ACACA: variants seen among roughly 807,000 people sequenced by gnomAD.
ACACA encodes acetyl-CoA carboxylase alpha.
ACACA carries 103 observed loss-of-function variants against 296.1 expected under a neutral mutation model. The observed-to-expected ratio is 0.35, with a 90% CI of 0.30 to 0.41. The LOEUF (loss-of-function observed/expected upper bound fraction) is 0.41. Among genes scored for constraint, ACACA ranks in the 10% least tolerant of loss-of-function variants. The pLI, the probability that ACACA is intolerant of heterozygous loss-of-function variation, is 1.00. For synonymous variants in ACACA, 953 were observed against 1,038.6 expected (o/e 0.92, Z 1.58); for missense variants, 1,554 against 2,989.7 (o/e 0.52, Z 11.20).
chr17:37,312,674 T>C (rs936771294), intron 3 of ACACA, among the ~76,000 whole-genome samples: 1 of 152,200 alleles, frequency 6.6e-6, no homozygotes, highest in Non-Finnish European at 1.5e-5. Flanking sequence ...AAGGCCATTG[T>C]AATAGACTAG....
chr17:37,210,453 T>C lies in ACACA; in HGVS notation c.3707+14A>G, dbSNP rs377012779. ...AGGTGCTTTTAATTGGAAAAGAAACTAAACATACGGTACCTGTTTAGCGTA... is the reference window on the plus strand; with the variant it reads ...AGGTGCTTTTAATTGGAAAAGAAACCAAACATACGGTACCTGTTTAGCGTA... On this transcript the variant is annotated intron_variant, in intron 30 of 55. Transcript: ENST00000616317. The C allele has an allele frequency of 8.1e-5, 131 of 1,609,780 alleles. No individual in the cohort carries two copies. The highest frequency in any genetic ancestry group is 1.1e-4 in the Non-Finnish European group (126 of 1,176,878).
intron 1 of ACACA, chr17:37,388,007 T>A (rs8075149): frequency 0.24 from 37,004 of 151,728 alleles, 4,675 homozygotes; most frequent in Middle Eastern, 0.37. Context: ...TATAAAAAAA[T>A]TTTAAAAATT....
intron 3 of ACACA, among the ~76,000 whole-genome samples, chr17:37,329,388 C>T (rs1361487352): frequency 6.6e-6 from 1 of 152,074 alleles, no homozygotes; most frequent in Non-Finnish European, 1.5e-5. Context: ...ATCTTTAATC[C>T]CAGCACTTTG....
chr17:37,400,330 G>A (rs1349436849), intron 1 of ACACA, among the ~76,000 whole-genome samples: 2 of 152,094 alleles, frequency 1.3e-5, no homozygotes, highest in Non-Finnish European at 2.9e-5. Context: ...ATGTGGGCCA[G>A]GCTGGTCTCA....
chr17:37,256,445 A>T (rs1276622078), intron 14 of ACACA, among the ~76,000 whole-genome samples: 2 of 152,256 alleles, frequency 1.3e-5, no homozygotes, highest in African/African-American at 2.4e-5. Flanking sequence ...TAAAAATAAT[A>T]TTAAAAACTA....
In ACACA at chr17:37,363,179, C is replaced by CTTTTT. The variant is rs902746004; in HGVS notation, c.39-23334_39-23330dup. On this transcript the variant is annotated intron_variant, in intron 1 of 55. Transcript: ENST00000616317. ...CTTTTTCTTTTCTCTTTCTCTTTTTCTTTTTTTTTTTTTTTTTTTTTTTGA... is the reference window on the plus strand; with the variant it reads ...CTTTTTCTTTTCTCTTTCTCTTTTTCTTTTTTTTTTTTTTTTTTTTTTTTTTTTGA... 4.5e-3 allele frequency among the ~76,000 whole-genome samples: 328 copies of CTTTTT among 72,814 alleles called. 3 individuals carry two copies. Among genetic ancestry groups the CTTTTT allele is most frequent in the African/African-American group, 7.7e-3 (115 of 14,936 alleles). The allele number at this position is 72,814 out of a possible 152,430, so 47.8% of individuals were successfully genotyped here.
intron 41 of ACACA, among the ~76,000 whole-genome samples, chr17:37,174,020 A>ATATATATTTTTTTT (rs552735515): frequency 1.2e-4 from 2 of 16,796 alleles, no homozygotes; most frequent in Non-Finnish European, 2.0e-4. Flanking sequence ...ATATATATAT[A>ATATATATTTTTTTT]TTTTTTTTTT....
intron 42 of ACACA, among the ~76,000 whole-genome samples, chr17:37,157,015 C>T (rs1367162989): frequency 6.6e-6 from 1 of 152,140 alleles, no homozygotes; most frequent in East Asian, 1.9e-4. Context: ...CAAAAATAGA[C>T]AAGAATTCCT....
At chr17:37,331,398 G>A (rs577570581) in intron 2 of ACACA, among the ~76,000 whole-genome samples, 19 of 147,362 alleles carry the variant, frequency 1.3e-4, no homozygotes, top group Admixed American at 8.2e-4. Flanking sequence ...GTGAGCCACC[G>A]CACCCGGCCT....
intron 39 of ACACA, 92 bp from the exon 40 acceptor site, chr17:37,181,448 T>C: frequency 7.1e-7 from 1 of 1,405,802 alleles, no homozygotes; most frequent in East Asian, 2.3e-5. Context: ...ATATTATCTC[T>C]TTGAAAACAT....
intron 1 of ACACA, among the ~76,000 whole-genome samples, chr17:37,354,022 C>T (rs1242484776): frequency 3.9e-5 from 6 of 152,142 alleles, no homozygotes; most frequent in South Asian, 2.1e-4. Flanking sequence ...GTGGGAGGAT[C>T]GCTTGACTCC....
intron 25 of ACACA, among the ~76,000 whole-genome samples, chr17:37,230,343 C>T (rs931721055): frequency 3.3e-5 from 5 of 151,068 alleles, no homozygotes; most frequent in Non-Finnish European, 5.9e-5. Flanking sequence ...AAGATCGCGC[C>T]GTTGCACTCC....
At chr17:37,304,285 C>T (rs2083764605) in intron 3 of ACACA, among the ~76,000 whole-genome samples, 1 of 152,038 alleles carries the variant, frequency 6.6e-6, no homozygotes, top group East Asian at 1.9e-4. Flanking sequence ...TATGCTCAAG[C>T]GATCCTCCTG....
chr17:37,183,854 T>TC (rs2077422783), intron 39 of ACACA, among the ~76,000 whole-genome samples: 1 of 146,452 alleles, frequency 6.8e-6, no homozygotes. Context: ...AGTCCTTTTT[T>TC]TTTTTTTTTT....
At chr17:37,190,280 T>G (rs377508300) in intron 38 of ACACA, among the ~76,000 whole-genome samples, 25 of 152,066 alleles carry the variant, frequency 1.6e-4, no homozygotes, top group African/African-American at 6.0e-4. Flanking sequence ...AATACAAAAA[T>G]TAGCCGGGCG....
chr17:37,110,202 T>C (rs2073907036), intron 52 of ACACA, among the ~76,000 whole-genome samples: 1 of 152,198 alleles, frequency 6.6e-6, no homozygotes, highest in African/African-American at 2.4e-5. Context: ...CGGCAACAAT[T>C]GGGGGATGCT....
intron 8 of ACACA, chr17:37,274,703 A>C (rs2082202417): frequency 1.0e-6 from 1 of 984,682 alleles, no homozygotes; most frequent in African/African-American, 1.7e-5. Flanking sequence ...TGGAAATAGA[A>C]ATGGCGGTTT....
intron 41 of ACACA, among the ~76,000 whole-genome samples, chr17:37,172,369 T>C (rs145120831): frequency 1.3e-5 from 2 of 152,132 alleles, no homozygotes; most frequent in Non-Finnish European, 2.9e-5. Context: ...ATAATAGTCA[T>C]TCAGAAGGAA....
chr17:37,251,994 A>T lies in ACACA; in HGVS notation c.2081+11T>A, dbSNP rs745755556. The T allele has an allele frequency of 5.6e-6, 9 of 1,612,394 alleles. No individual in the cohort carries two copies. The highest frequency in any genetic ancestry group is 7.6e-6 in the Non-Finnish European group (9 of 1,178,364). Reference sequence around the variant, plus strand: ...GATTAGTTTGTGTAGCCTACAAGAAACAAAGCCTACCTTTCTAAGGAGTGA... The same window carrying T: ...GATTAGTTTGTGTAGCCTACAAGAATCAAAGCCTACCTTTCTAAGGAGTGA... On this transcript the variant is annotated intron_variant, in intron 16 of 55. Coordinates refer to ENST00000616317, the MANE Select transcript of ACACA (RefSeq NM_198834.3).
Sources: gnomAD v4.1 joint callset for allele counts (sites outside exome capture counted in the v4.1 genomes callset) on GRCh38, gnomAD v4.1.1 for gene constraint, MANE v1.5 for transcripts, NCBI Gene and HGNC (gene_info 2026-07-23, HGNC 2026-07-21) for gene names.